Variants in SLC10A2 observed in about 807,000 individuals in gnomAD.
SLC10A2 encodes the protein ileal sodium/bile acid cotransporter.
In SLC10A2, 34 loss-of-function variants were observed where a neutral mutation model predicts 27.1. That is an observed-to-expected ratio of 1.26 (90% CI 0.96 to 1.67). SLC10A2 has a LOEUF of 1.67. Ranked by LOEUF, SLC10A2 falls within the 40% of genes most tolerant of loss-of-function variation. The pLI is 0.00. For missense variants in SLC10A2, 530 were observed against 444.4 expected (o/e 1.19, Z -1.73); for synonymous variants, 205 against 174.0 (o/e 1.18, Z -1.40).
At position 103,048,202 on chromosome 13, in the gene SLC10A2, G is replaced by A. The variant is rs150187059; in HGVS notation, c.919+1087C>T. Among the ~76,000 whole-genome samples the A allele has an allele frequency of 5.1e-4, 77 of 151,924 alleles. No individual in the cohort carries two copies. The East Asian group carries it at 8.3e-3, about 16-fold the overall frequency. On this transcript the variant is annotated intron_variant, in intron 5 of 5. Transcript: ENST00000245312. ...GATCTCCTGACCTCATGATCTGCCC[G>A]CCTCGGAACCCCGTCTCTACTAAAA...
chr13:103,057,892 A>AG (rs1311469323), intron 2 of SLC10A2, among the ~76,000 whole-genome samples: 39 of 151,316 alleles, frequency 2.6e-4, no homozygotes, highest in South Asian at 8.4e-4. Flanking sequence ...AAAAAAAAAA[A>AG]TTTCTTCAAT....
rs745423832 is a variant in SLC10A2 at position 103,065,959 on chromosome 13, G to A, written c.291C>T (p.Ala97=). Residue 97 remains alanine (A), a synonymous_variant, in exon 1 of 6, where the codon GCC becomes GCT. Coordinates refer to ENST00000245312, the MANE Select transcript of SLC10A2 (RefSeq NM_000452.3). ...AGCATCCTATAATGAGCACCACTACGGCCTGGAGCGGGAGGATGTCAAAGG... is the reference window on the plus strand; with the variant it reads ...AGCATCCTATAATGAGCACCACTACAGCCTGGAGCGGGAGGATGTCAAAGG... ...SVAFDILPLQ[A]VVVLIIGCCP... 8.7e-6 allele frequency: 14 copies of A among 1,613,990 alleles called. No homozygotes were observed. Among genetic ancestry groups the A allele is most frequent in the African/African-American group, 2.7e-5 (2 of 74,910 alleles).
intron 2 of SLC10A2, among the ~76,000 whole-genome samples, chr13:103,056,663 C>T (rs1273021392): frequency 6.6e-6 from 1 of 151,906 alleles, no homozygotes; most frequent in Admixed American, 6.6e-5. Context: ...CTATGGAAGG[C>T]GTCCGCTGAC....
intron 2 of SLC10A2, among the ~76,000 whole-genome samples, chr13:103,055,327 A>G (rs1875908444): frequency 6.6e-6 from 1 of 152,230 alleles, no homozygotes; most frequent in African/African-American, 2.4e-5. Flanking sequence ...TACCAGCTGC[A>G]TGGTCTGCCT....
In SLC10A2 at chr13:103,045,922, A is replaced by T. The variant is rs1357077915; in HGVS notation, c.*211T>A. 1.4e-5 allele frequency: 7 copies of T among 516,888 alleles called. No individual in the cohort carries two copies. Among genetic ancestry groups the T allele is most frequent in the Non-Finnish European group, 1.4e-5 (4 of 289,706 alleles). The allele number at this position is 516,888 out of a possible 1,614,324, so 32.0% of individuals were successfully genotyped here. A position where few individuals can be genotyped will look rare whatever the true frequency, so the allele number is the denominator to read the frequency against. ...CTATATGAGTATACATACATATATAAAACATATACATATATATAGGAAACA... is the reference window on the plus strand; with the variant it reads ...CTATATGAGTATACATACATATATATAACATATACATATATATAGGAAACA... On this transcript the variant is annotated 3_prime_UTR_variant, in exon 6 of 6. Coordinates refer to ENST00000245312, the MANE Select transcript of SLC10A2 (RefSeq NM_000452.3).
intron 1 of SLC10A2, among the ~76,000 whole-genome samples, chr13:103,064,045 C>T (rs1595443345): frequency 6.6e-6 from 1 of 152,100 alleles, no homozygotes. Context: ...ATAGTTAAGT[C>T]GGTCCCGCAT....
chr13:103,058,023 A>G (rs1833049608), intron 2 of SLC10A2, among the ~76,000 whole-genome samples: 1 of 152,050 alleles, frequency 6.6e-6, no homozygotes, highest in South Asian at 2.1e-4. Context: ...AGGGCTGGGG[A>G]GGGGGCTCCT....
At chr13:103,063,180 G>A (rs1023203472) in intron 1 of SLC10A2, among the ~76,000 whole-genome samples, 1 of 152,002 alleles carries the variant, frequency 6.6e-6, no homozygotes, top group African/African-American at 2.4e-5. Flanking sequence ...AGTACTTGCT[G>A]GATTCCAATG....
At chr13:103,059,144 G>A (rs146544564) in intron 1 of SLC10A2, among the ~76,000 whole-genome samples, 7 of 152,190 alleles carry the variant, frequency 4.6e-5, no homozygotes, top group Admixed American at 6.5e-5. Flanking sequence ...TTTAATAATA[G>A]CCATTCTGAC....
Position 103,058,304 on chromosome 13 carries a change from C to T in SLC10A2, c.456G>A (p.Trp152Ter). The T allele has an allele frequency of 3.1e-6, 5 of 1,613,160 alleles. No homozygotes were observed. The highest frequency in any genetic ancestry group is 4.2e-6 in the Non-Finnish European group (5 of 1,179,230). ...GAATTACGATGCTCCCAGAGTCGACCCACATTTTGGTATAGATAAGGAGGC... is the reference window on the plus strand; with the variant it reads ...GAATTACGATGCTCCCAGAGTCGACTCACATTTTGGTATAGATAAGGAGGC... ...PLCLLIYTKM[W>*]VDSGSIVIPY... The change falls in exon 2 of 6, where the codon TGG becomes TGA. Residue 152 changes from tryptophan to a stop codon, truncating the protein, a stop_gained. Coordinates refer to ENST00000245312, the MANE Select transcript of SLC10A2 (RefSeq NM_000452.3). LOFTEE classifies it high-confidence loss of function.
intron 1 of SLC10A2, among the ~76,000 whole-genome samples, chr13:103,063,357 G>C (rs1166049139): frequency 6.6e-6 from 1 of 152,170 alleles, no homozygotes; most frequent in Non-Finnish European, 1.5e-5. Flanking sequence ...GAATGGTTTT[G>C]CTGGCATTGT....
At position 103,065,981 on chromosome 13, in the gene SLC10A2, A is replaced by G. The variant is rs199894506; in HGVS notation, c.269T>C (p.Phe90Ser). The change falls in exon 1 of 6, where the codon TTT becomes TCT. Residue 90 changes from phenylalanine (F) to serine (S), a missense_variant. Physicochemically the swap from Phe to Ser is radical, Grantham distance 155. Transcript: ENST00000245312. ...PLTGFILSVAFDILPLQAVVV... is the reference protein window; with the variant it reads ...PLTGFILSVASDILPLQAVVV... ...TACGGCCTGGAGCGGGAGGATGTCA[A>G]AGGCCACCGACAGGATGAATCCTGT... The G allele has an allele frequency of 1.8e-4, 294 of 1,614,192 alleles. 3 individuals carry two copies. In the South Asian group the frequency reaches 3.1e-3, roughly 17 times the overall value.
chr13:103,049,050 T>C (rs1037654424), intron 5 of SLC10A2, among the ~76,000 whole-genome samples: 5 of 152,196 alleles, frequency 3.3e-5, no homozygotes, highest in African/African-American at 7.2e-5. Context: ...AAGAAAGTCA[T>C]TGGAGAGAAT....
chr13:103,048,524 C>T (rs545384042), intron 5 of SLC10A2, among the ~76,000 whole-genome samples: 84 of 152,100 alleles, frequency 5.5e-4, no homozygotes, highest in South Asian at 2.9e-3. Context: ...TTGTTGCGTG[C>T]CTTCACTTTA....
chr13:103,059,158 T>C (rs569924645), intron 1 of SLC10A2, among the ~76,000 whole-genome samples: 1 of 152,358 alleles, frequency 6.6e-6, no homozygotes, highest in South Asian at 2.1e-4. Context: ...TTCTGACTGA[T>C]GTGATATGGC....
rs201984778 is a variant in SLC10A2 at position 103,049,344 on chromosome 13, G to T, written c.864C>A (p.Thr288=). The change falls in exon 5 of 6, where the codon ACC becomes ACA. Residue 288 remains threonine (T), a synonymous_variant. Transcript: ENST00000245312. ...GGAAAATGCTGTAGATGAGCGGGAAGGTGAATACGACATTGAGCTCCTCAG... is the reference window on the plus strand; with the variant it reads ...GGAAAATGCTGTAGATGAGCGGGAATGTGAATACGACATTGAGCTCCTCAG... ...FTPEELNVVF[T]FPLIYSIFQL... 3.2e-5 allele frequency: 51 copies of T among 1,613,902 alleles called. No individual in the cohort carries two copies. Among genetic ancestry groups the T allele is most frequent in the Non-Finnish European group, 1.7e-6 (2 of 1,179,946 alleles).
intron 2 of SLC10A2, among the ~76,000 whole-genome samples, chr13:103,054,566 T>C (rs1356729607): frequency 6.6e-6 from 1 of 151,280 alleles, no homozygotes; most frequent in Non-Finnish European, 1.5e-5. Flanking sequence ...TGGTCCTATA[T>C]TTTAATGTGC....
In SLC10A2 at chr13:103,066,240, G is replaced by T. The variant is rs755730155; in HGVS notation, c.10C>A (p.Pro4Thr). ...GTTGCATTGTCCACACAGCTGTTCG[G>T]ATCATTCATTGCTGGGTCTGCTGCT... MND[P>T]NSCVDNATVC... The change falls in exon 1 of 6, where the codon CCG becomes ACG. Residue 4 changes from proline to threonine, a missense_variant. Transcript: ENST00000245312. 1 of 1,603,552 alleles carries T rather than the reference G, an allele frequency of 6.2e-7. No individual in the cohort carries two copies. Among genetic ancestry groups the T allele is most frequent in the Non-Finnish European group, 8.5e-7 (1 of 1,172,218 alleles).
chr13:103,051,395 A>G lies in SLC10A2; in HGVS notation c.623T>C (p.Ile208Thr), dbSNP rs766453490. The change falls in exon 4 of 6, where the codon ATA becomes ACA. Residue 208 changes from isoleucine to threonine, a missense_variant. Physicochemically the swap from Ile to Thr is moderately conservative, Grantham distance 89. Transcript: ENST00000245312. ...GTACAATATTCCTCCAACCACAGCT[A>G]TGAGCACAATGAGGATGGCGCCCGC... ...SIAGAILIVL[I>T]AVVGGILYQS... 7 of 1,614,078 alleles carry G rather than the reference A, an allele frequency of 4.3e-6. No homozygotes were observed. The Admixed American group carries it at 5.0e-5, about 12-fold the overall frequency.
Sources: gnomAD v4.1 joint callset for allele counts (sites outside exome capture counted in the v4.1 genomes callset) on GRCh38, gnomAD v4.1.1 for gene constraint, MANE v1.5 for transcripts, NCBI Gene and HGNC (gene_info 2026-07-23, HGNC 2026-07-21) for gene names.